Variants in ACSL6 observed in about 807,000 individuals in gnomAD.
ACSL6 encodes long-chain-fatty-acid--CoA ligase 6.
Under a neutral mutation model 98.2 loss-of-function variants are expected in ACSL6, and 47 were observed. The observed-to-expected ratio is 0.48, with a 90% CI of 0.38 to 0.61. The LOEUF (loss-of-function observed/expected upper bound fraction) is 0.61, where lower values mean the gene tolerates loss of function less well. ACSL6 is among the 20% of genes least tolerant of loss of function. The pLI is 0.00. For synonymous variants in ACSL6, 362 were observed against 336.9 expected, an observed-to-expected ratio of 1.07 and a Z score of -0.82; for missense variants, 761 against 913.4, an observed-to-expected ratio of 0.83 and a Z score of 2.15.
chr5:131,996,242 A>G (rs1339647725), intron 1 of ACSL6, among the ~76,000 whole-genome samples: 5 of 152,242 alleles, frequency 3.3e-5, no homozygotes, highest in African/African-American at 1.2e-4. Flanking sequence ...TATCCATCCA[A>G]TTCAGCTTCT....
intron 9 of ACSL6, among the ~76,000 whole-genome samples, chr5:131,979,581 C>A (rs912297042): frequency 5.9e-5 from 9 of 152,216 alleles, no homozygotes; most frequent in African/African-American, 1.9e-4. Flanking sequence ...GATATGAATG[C>A]CATTTTATAC....
chr5:131,979,341 T>C (rs1027247195), intron 9 of ACSL6, among the ~76,000 whole-genome samples: 1 of 152,222 alleles, frequency 6.6e-6, no homozygotes, highest in Admixed American at 6.5e-5. Flanking sequence ...TTACAGAGCT[T>C]TGGATTTGCA....
intron 19 of ACSL6, 74 bp downstream of exon 19, chr5:131,960,446 C>A: frequency 7.7e-7 from 1 of 1,291,598 alleles, no homozygotes; most frequent in Non-Finnish European, 1.1e-6. Flanking sequence ...TGGTCTACAA[C>A]TTTTCTGTCT....
At chr5:131,969,453 G>GT (rs143257142) in intron 15 of ACSL6, among the ~76,000 whole-genome samples, 10,850 of 146,454 alleles carry the variant, frequency 0.074, 597 homozygotes, top group East Asian at 0.2. Flanking sequence ...AGATTATTGT[G>GT]TTTTTTTTTT....
At chr5:132,008,081 C>T (rs917801096) in intron 1 of ACSL6, among the ~76,000 whole-genome samples, 4 of 152,172 alleles carry the variant, frequency 2.6e-5, no homozygotes, top group African/African-American at 4.8e-5. Flanking sequence ...GAAGGTGCTG[C>T]GGGCAAAATC....
chr5:131,980,970 A>C (rs1753857995), intron 9 of ACSL6, among the ~76,000 whole-genome samples: 1 of 152,058 alleles, frequency 6.6e-6, no homozygotes, highest in African/African-American at 2.4e-5. Flanking sequence ...TGCCCCCTTT[A>C]GACTCCTCTC....
Position 131,951,076 on chromosome 5 carries a change from G to C in ACSL6, c.*3158C>G. On this transcript the variant is annotated 3_prime_UTR_variant, in exon 21 of 21. Coordinates refer to ENST00000651883, the MANE Select transcript of ACSL6 (RefSeq NM_001009185.3). ...ATCTTCCACAGCAAAAGGAAAAACA[G>C]ATTTGGTATATATTTTATAATATAC... is the stretch of plus-strand genomic sequence containing the variant. 5.1e-6 allele frequency: 1 copy of C among 196,882 alleles called. No individual in the cohort carries two copies. Among genetic ancestry groups the C allele is most frequent in the African/African-American group, 2.3e-5 (1 of 43,406 alleles). 12.2% of individuals were successfully genotyped at this position (196,882 alleles called of 1,614,324 possible).
rs1160198803 is a variant in ACSL6, at chr5:131,990,914, G to A, written c.324C>T (p.Thr108=). ...SVIGSGPQLL[T]HYYDDARTMY... is the part of the protein sequence containing the mutation. Reference sequence around the variant, plus strand: ...TGGTCCGGGCATCATCATAGTAGTGGGTAAGTAGCTGAGGGCCAGACCCAA... The same window carrying A: ...TGGTCCGGGCATCATCATAGTAGTGAGTAAGTAGCTGAGGGCCAGACCCAA... The change falls in exon 3 of 21, where the codon ACC becomes ACT. Residue 108 remains threonine (T), a synonymous_variant. Transcript: ENST00000651883. The A allele has an allele frequency of 6.2e-7, 1 of 1,613,992 alleles. No individual in the cohort carries two copies. Among genetic ancestry groups the A allele is most frequent in the Non-Finnish European group, 8.5e-7 (1 of 1,180,008 alleles).
chr5:131,974,849 G>A (rs780251722), intron 11 of ACSL6, 44 bp downstream of exon 11: 3 of 1,613,834 alleles, frequency 1.9e-6, no homozygotes, highest in Non-Finnish European at 2.5e-6. Flanking sequence ...TAAGAAAAAA[G>A]AAGGAGCCCA....
At chr5:131,986,018 C>G (rs1185020127) in intron 8 of ACSL6, among the ~76,000 whole-genome samples, 1 of 152,218 alleles carries the variant, frequency 6.6e-6, no homozygotes, top group Non-Finnish European at 1.5e-5. Flanking sequence ...AGGATGGCTT[C>G]CCAGAGGAGG....
intron 1 of ACSL6, among the ~76,000 whole-genome samples, chr5:132,002,359 C>T (rs938415070): frequency 6.6e-5 from 10 of 152,206 alleles, no homozygotes; most frequent in Non-Finnish European, 1.5e-4. Flanking sequence ...TAAGCTTGAA[C>T]CAGTAAAGGG....
intron 1 of ACSL6, among the ~76,000 whole-genome samples, chr5:132,010,955 G>A (rs554814586): frequency 2.6e-5 from 4 of 152,158 alleles, no homozygotes; most frequent in Non-Finnish European, 5.9e-5. Flanking sequence ...AGACACAGCA[G>A]CCCTGGGCAG....
At chr5:131,964,673 A>T (rs986535341) in intron 17 of ACSL6, among the ~76,000 whole-genome samples, 8 of 152,342 alleles carry the variant, frequency 5.3e-5, no homozygotes, top group Non-Finnish European at 1.0e-4. Context: ...GAAGGGGCTG[A>T]TGCAAGTGAG....
Position 131,990,028 on chromosome 5 carries a change from A to T in ACSL6, c.450+72T>A. 1.7e-5 allele frequency: 26 copies of T among 1,516,632 alleles called. 1 individual carries two copies. The South Asian group carries it at 2.4e-4, about 14-fold the overall frequency. 93.9% of individuals were successfully genotyped at this position (1,516,632 alleles called of 1,614,324 possible). ...CCTCTGAGACCCAGCAGGTGCCCACATCCCTCCCTACCTGCCCTGAGTGCC... is the reference window on the plus strand; with the variant it reads ...CCTCTGAGACCCAGCAGGTGCCCACTTCCCTCCCTACCTGCCCTGAGTGCC... On this transcript the variant is annotated intron_variant, in intron 4 of 20. Transcript: ENST00000651883.
In ACSL6 at chr5:131,978,006, A is replaced by G. The variant is rs1753708782; in HGVS notation, c.917-1285T>C. ...TAACACCCGAGCTAACTCAGCCCCT[A>G]ATGGGATCACTTGAAGTGCCTGATT... On this transcript the variant is annotated intron_variant, in intron 9 of 20. Coordinates refer to ENST00000651883, the MANE Select transcript of ACSL6 (RefSeq NM_001009185.3). Among the ~76,000 whole-genome samples, 9 of 152,348 alleles carry G rather than the reference A, an allele frequency of 5.9e-5. No individual in the cohort carries two copies. The South Asian group carries it at 1.9e-3, about 32-fold the overall frequency.
intron 4 of ACSL6, 61 bp downstream of exon 4, chr5:131,990,039 C>T (rs1237800953): frequency 1.3e-6 from 2 of 1,576,526 alleles, no homozygotes; most frequent in African/African-American, 2.7e-5. Context: ...TCCCTCCCTA[C>T]CTGCCCTGAG....
At chr5:132,004,595 G>T (rs1755285528) in intron 1 of ACSL6, among the ~76,000 whole-genome samples, 2 of 152,178 alleles carry the variant, frequency 1.3e-5, no homozygotes, top group African/African-American at 4.8e-5. Context: ...GCATGTCTCT[G>T]TGAGAGGTCA....
intron 2 of ACSL6, 71 bp from the exon 3 acceptor site, chr5:131,991,038 C>T: frequency 1.5e-6 from 2 of 1,333,088 alleles, no homozygotes; most frequent in African/African-American, 1.4e-5. Flanking sequence ...CCGCAGCATG[C>T]ACAAGGCTGT....
chr5:131,975,718 G>T (rs1047196071), intron 10 of ACSL6: 1 of 985,322 alleles, frequency 1.0e-6, no homozygotes. Context: ...AGGGACAGGG[G>T]CTACTCCAGC....
Sources: gnomAD v4.1 joint callset for allele counts (sites outside exome capture counted in the v4.1 genomes callset) on GRCh38, gnomAD v4.1.1 for gene constraint, MANE v1.5 for transcripts, NCBI Gene and HGNC (gene_info 2026-07-23, HGNC 2026-07-21) for gene names.